R3HDM1: variants seen among roughly 807,000 people sequenced by gnomAD.
R3HDM1 encodes R3H domain-containing protein 1.
A neutral mutation model predicts 141.1 loss-of-function variants in R3HDM1; 46 were observed. That is an observed-to-expected ratio of 0.33 (90% CI 0.26 to 0.42). R3HDM1 has a LOEUF of 0.42. Ranked by LOEUF, R3HDM1 falls within the 10% of genes least tolerant of loss-of-function variation. The pLI is 1.00. For synonymous variants in R3HDM1, 435 were observed against 472.9 expected (o/e 0.92, Z 1.04); for missense variants, 1,184 against 1,368.3 (o/e 0.87, Z 2.12).
At chr2:135,573,147 A>T (rs1428182641) in intron 1 of R3HDM1, among the ~76,000 whole-genome samples, 1 of 152,224 alleles carries the variant, frequency 6.6e-6, no homozygotes, top group Non-Finnish European at 1.5e-5. Flanking sequence ...ATTATATGAC[A>T]TGTCGTTTGT....
intron 1 of R3HDM1, among the ~76,000 whole-genome samples, chr2:135,533,720 A>G (rs1318151204): frequency 6.6e-6 from 1 of 152,160 alleles, no homozygotes; most frequent in Non-Finnish European, 1.5e-5. Context: ...TCTACTGAAA[A>G]TACAAAAAAT....
At chr2:135,689,990 A>G (rs1044676391) in intron 21 of R3HDM1, among the ~76,000 whole-genome samples, 3 of 152,214 alleles carry the variant, frequency 2.0e-5, no homozygotes, top group Non-Finnish European at 4.4e-5. Context: ...TCAAAGGGGT[A>G]GCATACAGAC....
rs770345329 is a variant in R3HDM1, at chr2:135,636,113, G to A, written c.833G>A (p.Arg278Lys). 7 of 1,612,612 alleles carry A rather than the reference G, an allele frequency of 4.3e-6. No individual in the cohort carries two copies. The highest frequency in any genetic ancestry group is 5.9e-6 in the Non-Finnish European group (7 of 1,179,450). The stretch of plus-strand genomic sequence containing the variant: ...ATGAGAATACGTTTGAAAGATGACA[G>A]AAGAAGCAAATCTATAGAAGAAAGA... Reference protein sequence around the residue: ...NQMRIRLKDDRRSKSIEEREE... With the variant: ...NQMRIRLKDDKRSKSIEEREE... The change falls in exon 11 of 27, where the codon AGA becomes AAA. Residue 278 changes from arginine (R) to lysine (K), a missense_variant. This residue lies in a region of R3HDM1 where 240 missense variants were observed against 312.3 expected (regional missense o/e 0.77). Coordinates refer to ENST00000683871, the MANE Select transcript of R3HDM1 (RefSeq NM_001378107.1).
At chr2:135,692,049 A>G (rs988318158) in intron 21 of R3HDM1, among the ~76,000 whole-genome samples, 1 of 151,960 alleles carries the variant, frequency 6.6e-6, no homozygotes, top group Admixed American at 6.6e-5. Context: ...AGTAGCTGAG[A>G]TTACAGGCTG....
Position 135,649,988 on chromosome 2 carries a change from C to G in R3HDM1, c.1710C>G (p.Thr570=). ...CCCCGTTCCTGCCAGTCTCACCCACCCAGCAATACTCTGTGGTACTATATC... is the reference window on the plus strand; with the variant it reads ...CCCCGTTCCTGCCAGTCTCACCCACGCAGCAATACTCTGTGGTACTATATC... ...YPSPFLPVSP[T]QQYSVQDNLG... Residue 570 remains threonine (T), a synonymous_variant, in exon 17 of 27, where the codon ACC becomes ACG. Transcript: ENST00000683871. 2.3e-6 allele frequency: 3 copies of G among 1,291,952 alleles called. No individual in the cohort carries two copies. Among genetic ancestry groups the G allele is most frequent in the Non-Finnish European group, 3.1e-6 (3 of 983,016 alleles). The allele number at this position is 1,291,952 out of a possible 1,614,324, so 80.0% of individuals were successfully genotyped here. A position where few individuals can be genotyped will look rare whatever the true frequency, so the allele number is the denominator to read the frequency against.
chr2:135,634,708 T>A (rs1398157911), intron 9 of R3HDM1, among the ~76,000 whole-genome samples: 3 of 152,216 alleles, frequency 2.0e-5, no homozygotes. Flanking sequence ...GCTGAAAATA[T>A]CATTACTCAG....
At chr2:135,575,963 G>A (rs1163727830) in intron 1 of R3HDM1, among the ~76,000 whole-genome samples, 6 of 152,098 alleles carry the variant, frequency 3.9e-5, no homozygotes, top group Non-Finnish European at 8.8e-5. Flanking sequence ...ACTGCTGGTG[G>A]GACTAGCTCT....
chr2:135,682,441 G>A (rs1349907745), intron 21 of R3HDM1, among the ~76,000 whole-genome samples: 16 of 152,276 alleles, frequency 1.1e-4, no homozygotes. Context: ...TGCCATAAGA[G>A]TGTGGATACA....
intron 19 of R3HDM1, among the ~76,000 whole-genome samples, chr2:135,668,747 C>T (rs900173464): frequency 6.6e-6 from 1 of 152,214 alleles, no homozygotes; most frequent in Admixed American, 6.5e-5. Flanking sequence ...TTAAAGCTGG[C>T]ACTGCCCTGC....
chr2:135,625,637 G>A (rs139038659), intron 7 of R3HDM1, among the ~76,000 whole-genome samples: 2 of 151,954 alleles, frequency 1.3e-5, no homozygotes, highest in Admixed American at 6.6e-5. Flanking sequence ...CAGATTAGGC[G>A]GGTCACTGGA....
At position 135,620,756 on chromosome 2, in the gene R3HDM1, G is replaced by T. The variant is rs1008285313; in HGVS notation, c.304-738G>T. 3 of 661,002 alleles carry T rather than the reference G, an allele frequency of 4.5e-6. No homozygotes were observed. In the African/African-American group the frequency reaches 5.9e-5, roughly 13 times the overall value. 40.9% of individuals were successfully genotyped at this position (661,002 alleles called of 1,614,324 possible). A position where few individuals can be genotyped will look rare whatever the true frequency, so the allele number is the denominator to read the frequency against. On this transcript the variant is annotated intron_variant, in intron 5 of 26. Transcript: ENST00000683871. The stretch of plus-strand genomic sequence containing the variant: ...GAGCTACATGATTTTTGCCTTTTCT[G>T]TGTGGATTAATTTCTAGTAATCCCT...
At chr2:135,557,696 T>G (rs1315152958) in intron 1 of R3HDM1, among the ~76,000 whole-genome samples, 2 of 152,202 alleles carry the variant, frequency 1.3e-5, no homozygotes, top group African/African-American at 4.8e-5. Context: ...AAGTCACATG[T>G]TCAACATTGA....
intron 1 of R3HDM1, among the ~76,000 whole-genome samples, chr2:135,552,242 C>G (rs1699968597): frequency 6.6e-6 from 1 of 152,018 alleles, no homozygotes; most frequent in Non-Finnish European, 1.5e-5. Flanking sequence ...CTCACCCAGG[C>G]TGGAGTGCAA....
intron 16 of R3HDM1, among the ~76,000 whole-genome samples, chr2:135,648,582 T>C (rs761035895): frequency 1.1e-4 from 16 of 152,202 alleles, no homozygotes; most frequent in Admixed American, 7.9e-4. Context: ...TACTTGCTTA[T>C]GTGGCTGTCT....
chr2:135,688,472 T>C (rs2071755206), intron 21 of R3HDM1, among the ~76,000 whole-genome samples: 1 of 152,080 alleles, frequency 6.6e-6, no homozygotes, highest in African/African-American at 2.4e-5. Flanking sequence ...CTTCCTGTTT[T>C]GGGGGATTTT....
chr2:135,703,624 GT>G (rs1194873094), intron 21 of R3HDM1, among the ~76,000 whole-genome samples: 3 of 150,108 alleles, frequency 2.0e-5, no homozygotes, highest in South Asian at 2.1e-4. Context: ...GTCAAATTCA[GT>G]TTTTTTTTAA....
chr2:135,671,741 C>T (rs1200896251), intron 19 of R3HDM1, among the ~76,000 whole-genome samples: 2 of 151,554 alleles, frequency 1.3e-5, no homozygotes, highest in African/African-American at 2.4e-5. Context: ...TTTAGGAGGC[C>T]GAGGCGGGCA....
At position 135,710,086 on chromosome 2, in the gene R3HDM1, G is replaced by C; in HGVS notation, c.2591G>C (p.Gly864Ala). 1 of 1,613,846 alleles carries C rather than the reference G, an allele frequency of 6.2e-7. No homozygotes were observed. The highest frequency in any genetic ancestry group is 8.5e-7 in the Non-Finnish European group (1 of 1,179,888). The change falls in exon 23 of 27, where the codon GGG becomes GCG. Residue 864 changes from glycine (G) to alanine (A), a missense_variant. Gly to Ala is a moderately conservative substitution (Grantham distance 60). This residue lies in a region of R3HDM1 where 563 missense variants were observed against 562.0 expected (regional missense o/e 1.00). Transcript: ENST00000683871. Reference sequence around the variant, plus strand: ...GGACCACCACCGCCACCTGGTGGGGGGATGGTGATGATGCAGCTCAGTGTA... The same window carrying C: ...GGACCACCACCGCCACCTGGTGGGGCGATGGTGATGATGCAGCTCAGTGTA... Reference protein sequence around the residue: ...TAGPPPPPGGGMVMMQLSVPN... With the variant: ...TAGPPPPPGGAMVMMQLSVPN...
At chr2:135,583,716 G>C in intron 1 of R3HDM1, 1 of 981,226 alleles carries the variant, frequency 1.0e-6, no homozygotes, top group Non-Finnish European at 1.2e-6. Context: ...TAGGAAGTAT[G>C]TGAGAGGATT....
Sources: gnomAD v4.1 joint callset for allele counts (sites outside exome capture counted in the v4.1 genomes callset) on GRCh38, gnomAD v4.1.1 for gene constraint, gnomAD v4.1.1 regional missense constraint, MANE v1.5 for transcripts, NCBI Gene and HGNC (gene_info 2026-07-23, HGNC 2026-07-21) for gene names.